The following DEPDC5 variants were observed in gnomAD, a reference collection of about 807,000 sequenced individuals.
The protein encoded by DEPDC5 is GATOR1 complex protein DEPDC5.
A neutral mutation model predicts 217.3 loss-of-function variants in DEPDC5; 73 were observed. That is an observed-to-expected ratio of 0.34 (90% CI 0.28 to 0.41). The LOEUF is 0.41. Ranked by LOEUF, DEPDC5 falls within the 10% of genes least tolerant of loss-of-function variation. DEPDC5 has a pLI of 1.00. For missense variants in DEPDC5, 1,675 were observed against 2,070.1 expected, an observed-to-expected ratio of 0.81 and a Z score of 3.70; for synonymous variants, 733 against 756.7, an observed-to-expected ratio of 0.97 and a Z score of 0.51.
chr22:31,761,662 C>CA (rs532267383), intron 4 of DEPDC5, among the ~76,000 whole-genome samples: 15,814 of 97,350 alleles, frequency 0.16, 1,292 homozygotes, highest in Middle Eastern at 0.2. Flanking sequence ...GACCCTATCT[C>CA]AAAAAAAAAA....
In DEPDC5 at chr22:31,809,948, C is replaced by T. The variant is rs551428520; in HGVS notation, c.1324+301C>T. Among the ~76,000 whole-genome samples the T allele has an allele frequency of 2.8e-4, 43 of 152,312 alleles. 1 individual carries two copies. The South Asian group carries it at 3.9e-3, about 14-fold the overall frequency. ...AGTGAGCCGAGATCATGCCATTGCACTCCAGGCTGGGTGACAGAGCAAGAC... is the reference window on the plus strand; with the variant it reads ...AGTGAGCCGAGATCATGCCATTGCATTCCAGGCTGGGTGACAGAGCAAGAC... On this transcript the variant is annotated intron_variant, in intron 19 of 42. Transcript: ENST00000651528.
At chr22:31,887,831 C>G (rs2093351089) in intron 38 of DEPDC5, among the ~76,000 whole-genome samples, 1 of 151,970 alleles carries the variant, frequency 6.6e-6, no homozygotes, top group African/African-American at 2.4e-5. Context: ...AGAATGTAGT[C>G]TTTTACTGTG....
At chr22:31,768,429 T>C (rs986114572) in intron 6 of DEPDC5, among the ~76,000 whole-genome samples, 4 of 152,168 alleles carry the variant, frequency 2.6e-5, no homozygotes, top group African/African-American at 9.7e-5. Context: ...TTTAATTTGT[T>C]GAGGGTTCCA....
chr22:31,784,167 C>A, intron 9 of DEPDC5, 182 bp downstream of exon 9: 2 of 479,746 alleles, frequency 4.2e-6, no homozygotes, highest in Non-Finnish European at 7.3e-6. Context: ...CTACTTTTTT[C>A]AATAATCAAA....
chr22:31,771,143 T>C (rs548093384), intron 7 of DEPDC5, among the ~76,000 whole-genome samples: 9 of 152,316 alleles, frequency 5.9e-5, no homozygotes, highest in African/African-American at 2.2e-4. Flanking sequence ...ATGGTGATTT[T>C]CTTTCCTTTT....
At chr22:31,893,929 A>C (rs980531314) in intron 39 of DEPDC5, 178 bp downstream of exon 39, 2 of 711,458 alleles carry the variant, frequency 2.8e-6, no homozygotes, top group Admixed American at 7.7e-5. Context: ...TAAGCAATCA[A>C]AAAAGGTAGA....
rs535377858 is a variant in DEPDC5 at position 31,885,160 on chromosome 22, G to T, written c.4033+5408G>T. Among the ~76,000 whole-genome samples, 8 of 152,278 alleles carry T rather than the reference G, an allele frequency of 5.3e-5. No individual in the cohort carries two copies. The South Asian group carries it at 1.7e-3, about 32-fold the overall frequency. ...TCAGGTCATGTTCCCCTTCTGGGCAGGATCCTCTTGTAGCTCCCAGCTCAC... is the reference window on the plus strand; with the variant it reads ...TCAGGTCATGTTCCCCTTCTGGGCATGATCCTCTTGTAGCTCCCAGCTCAC... On this transcript the variant is annotated intron_variant, in intron 38 of 42. Transcript: ENST00000651528.
At chr22:31,768,959 G>C (rs2083071615) in intron 7 of DEPDC5, 96 bp downstream of exon 7, 1 of 1,491,250 alleles carries the variant, frequency 6.7e-7, no homozygotes, top group Non-Finnish European at 9.3e-7. Flanking sequence ...ATGTGTAAAA[G>C]TATAAAATGT....
At chr22:31,798,155 T>A (rs1252369724) in intron 13 of DEPDC5, among the ~76,000 whole-genome samples, 4 of 152,118 alleles carry the variant, frequency 2.6e-5, no homozygotes, top group African/African-American at 9.7e-5. Context: ...ACTCCTCGTC[T>A]TAAGCGATCT....
chr22:31,788,264 ATTTTTTTTTTT>A lies in DEPDC5; in HGVS notation c.624+3406_624+3416del, dbSNP rs75378797. On this transcript the variant is annotated intron_variant, in intron 10 of 42. Coordinates refer to ENST00000651528, the MANE Select transcript of DEPDC5 (RefSeq NM_001242896.3). Reference sequence around the variant, plus strand: ...ACTTCACACCCACTAGGATGACTGTATTTTTTTTTTTTTTTTTTTTTTTTTTTGAGACAGAG... The same window carrying A: ...ACTTCACACCCACTAGGATGACTGTATTTTTTTTTTTTTTTTGAGACAGAG... 2.4e-3 allele frequency among the ~76,000 whole-genome samples: 220 copies of A among 90,698 alleles called. 6 individuals carry two copies. In the Admixed American group the frequency reaches 0.026, roughly 11 times the overall value. The allele number at this position is 90,698 out of a possible 152,430, so 59.5% of individuals were successfully genotyped here.
chr22:31,858,261 A>C (rs887784136), intron 32 of DEPDC5: 1 of 152,252 alleles, frequency 6.6e-6, no homozygotes, highest in African/African-American at 2.4e-5. Context: ...ACTGCTGAGA[A>C]ATACAGTCAA....
intron 14 of DEPDC5, among the ~76,000 whole-genome samples, chr22:31,801,826 G>A (rs553946629): frequency 6.6e-6 from 1 of 152,236 alleles, no homozygotes; most frequent in South Asian, 2.1e-4. Flanking sequence ...GTACCCAGGT[G>A]CTCAGGGAAT....
intron 38 of DEPDC5, among the ~76,000 whole-genome samples, chr22:31,892,264 G>A (rs952468277): frequency 1.3e-5 from 2 of 152,208 alleles, no homozygotes; most frequent in Non-Finnish European, 2.9e-5. Flanking sequence ...AAATGAAGGG[G>A]TTGGATTACT....
chr22:31,897,455 A>G, intron 39 of DEPDC5, 27 bp from the exon 40 acceptor site: 1 of 1,579,806 alleles, frequency 6.3e-7, no homozygotes, highest in Admixed American at 1.8e-5. Context: ...TGGAGATGAT[A>G]TTGTTTGTTT....
chr22:31,844,141 G>T (rs5994435), intron 29 of DEPDC5, among the ~76,000 whole-genome samples: 18 of 152,104 alleles, frequency 1.2e-4, no homozygotes, highest in South Asian at 4.2e-4. Flanking sequence ...CTGGAGAATC[G>T]CTTGAACCCA....
intron 25 of DEPDC5, 161 bp from the exon 26 acceptor site, chr22:31,836,811 T>G: frequency 1.6e-6 from 1 of 637,288 alleles, no homozygotes; most frequent in Non-Finnish European, 2.7e-6. Flanking sequence ...TTCTCTCTCT[T>G]TCTCCCTCCC....
At chr22:31,805,480 C>G (rs1008658288) in intron 17 of DEPDC5, among the ~76,000 whole-genome samples, 4 of 151,880 alleles carry the variant, frequency 2.6e-5, no homozygotes, top group African/African-American at 9.7e-5. Flanking sequence ...GCATTCTATC[C>G]TTCTCTGGGT....
At chr22:31,839,965 T>C (rs546111467) in intron 27 of DEPDC5, among the ~76,000 whole-genome samples, 2 of 152,206 alleles carry the variant, frequency 1.3e-5, no homozygotes, top group African/African-American at 2.4e-5. Context: ...ACCCTGTCTC[T>C]AAAAAGAAAA....
intron 19 of DEPDC5, 57 bp downstream of exon 19, chr22:31,809,704 G>A: frequency 6.3e-7 from 1 of 1,588,138 alleles, no homozygotes; most frequent in Non-Finnish European, 8.6e-7. Flanking sequence ...AGCTGGCTGG[G>A]TGCAGTGGCT....
Sources: allele counts gnomAD v4.1 joint callset (sites outside exome capture counted in the v4.1 genomes callset), GRCh38; gene constraint gnomAD v4.1.1; transcripts MANE v1.5; gene names NCBI Gene and HGNC (gene_info 2026-07-23, HGNC 2026-07-21).